ATP8A2: variants seen among roughly 807,000 people sequenced by gnomAD.
ATP8A2 encodes ATPase phospholipid transporting 8A2, also known as phospholipid-transporting ATPase IB.
A neutral mutation model predicts 165.6 loss-of-function variants in ATP8A2; 100 were observed. That is an observed-to-expected ratio of 0.60 (90% CI 0.51 to 0.71). The LOEUF (loss-of-function observed/expected upper bound fraction) is 0.71, where lower values mean the gene tolerates loss of function less well. ATP8A2 is among the 30% of genes least tolerant of loss of function. The probability of loss-of-function intolerance (pLI) is 0.00; values close to 1 mark genes in which losing one functional copy is unlikely to be tolerated. For synonymous variants in ATP8A2, 543 were observed against 548.8 expected (o/e 0.99, Z 0.15); for missense variants, 1,227 against 1,479.5 (o/e 0.83, Z 2.80).
intron 35 of ATP8A2, among the ~76,000 whole-genome samples, chr13:25,977,157 G>GCC (rs55923997): frequency 0.25 from 37,285 of 151,368 alleles, 5,237 homozygotes; most frequent in East Asian, 0.55. Flanking sequence ...TGCTAAAGAA[G>GCC]CCAATTTCCA....
chr13:25,570,896 C>A (rs2039448349), intron 17 of ATP8A2, 24 bp downstream of exon 17: 1 of 1,542,292 alleles, frequency 6.5e-7, no homozygotes, highest in Non-Finnish European at 8.9e-7. Context: ...CCGGATGCGC[C>A]CTGCTGGCCC....
In ATP8A2 at chr13:25,372,126, T is replaced by G; in HGVS notation, c.-87T>G. The G allele has an allele frequency of 1.0e-6, 1 of 953,014 alleles. No individual in the cohort carries two copies. The highest frequency in any genetic ancestry group is 1.4e-6 in the Non-Finnish European group (1 of 729,000). The allele number at this position is 953,014 out of a possible 1,614,324, so 59.0% of individuals were successfully genotyped here. The stretch of plus-strand genomic sequence containing the variant: ...GCCCGGCGAGGCGCTGGCCCACCCA[T>G]GGTCCTCGGGCGGCGGCCCCTGCGC... On this transcript the variant is annotated 5_prime_UTR_variant, in exon 1 of 37. The change abolishes an upstream ATG in the 5' untranslated region. Transcript: ENST00000381655. This position sits in a 1 kb window ranked among gnomAD's most constrained non-coding sequence, Gnocchi z 4.8.
intron 1 of ATP8A2, among the ~76,000 whole-genome samples, chr13:25,387,744 G>A (rs1262795626): frequency 1.3e-5 from 2 of 152,032 alleles, no homozygotes; most frequent in African/African-American, 4.8e-5. Flanking sequence ...TCTTTAATCT[G>A]CAAATGTTTC....
chr13:25,760,192 C>CA (rs2044351910), intron 25 of ATP8A2, among the ~76,000 whole-genome samples: 2 of 152,110 alleles, frequency 1.3e-5, no homozygotes, highest in African/African-American at 4.8e-5. Flanking sequence ...ATCAAGTTGC[C>CA]CTCACCACTA....
chr13:25,525,951 T>C (rs914860690), intron 2 of ATP8A2, among the ~76,000 whole-genome samples: 2 of 152,158 alleles, frequency 1.3e-5, no homozygotes, highest in African/African-American at 4.8e-5. Flanking sequence ...GACTTTGTCT[T>C]TTGAGGTAAT....
chr13:25,812,678 A>G (rs113393333), intron 27 of ATP8A2, among the ~76,000 whole-genome samples: 1 of 151,820 alleles, frequency 6.6e-6, no homozygotes, highest in African/African-American at 2.4e-5. Context: ...CAAGTGATCA[A>G]TAAAATAAAC....
At chr13:25,895,816 T>C (rs1300654254) in intron 33 of ATP8A2, among the ~76,000 whole-genome samples, 1 of 152,246 alleles carries the variant, frequency 6.6e-6, no homozygotes, top group Non-Finnish European at 1.5e-5. Context: ...CTAGTTTATT[T>C]GCATAGAGGT....
intron 2 of ATP8A2, among the ~76,000 whole-genome samples, chr13:25,486,811 C>CA (rs1248374881): frequency 6.6e-6 from 1 of 151,996 alleles, no homozygotes; most frequent in Non-Finnish European, 1.5e-5. Flanking sequence ...ATCAAAAGTA[C>CA]AAAAAATTAG....
At chr13:25,513,681 G>A (rs2037356964) in intron 2 of ATP8A2, among the ~76,000 whole-genome samples, 1 of 152,044 alleles carries the variant, frequency 6.6e-6, no homozygotes, top group Non-Finnish European at 1.5e-5. Context: ...AGCACTGAGT[G>A]AACCAGACTC....
intron 27 of ATP8A2, among the ~76,000 whole-genome samples, chr13:25,817,832 C>T (rs1013744222): frequency 6.6e-6 from 1 of 152,006 alleles, no homozygotes; most frequent in African/African-American, 2.4e-5. Context: ...CATGTGCCAC[C>T]ATGTCCAGCT....
At chr13:25,518,821 A>G (rs2037563844) in intron 2 of ATP8A2, among the ~76,000 whole-genome samples, 1 of 152,164 alleles carries the variant, frequency 6.6e-6, no homozygotes, top group Admixed American at 6.5e-5. Flanking sequence ...GTGCCTAATT[A>G]TGAGTTATGG....
At chr13:25,441,154 C>T (rs1281472825) in intron 1 of ATP8A2, among the ~76,000 whole-genome samples, 2 of 152,064 alleles carry the variant, frequency 1.3e-5, no homozygotes, top group African/African-American at 2.4e-5. Context: ...TTAAATACCA[C>T]GCTTAATTTT....
At chr13:25,616,259 T>C (rs1212748533) in intron 24 of ATP8A2, among the ~76,000 whole-genome samples, 1 of 151,788 alleles carries the variant, frequency 6.6e-6, no homozygotes, top group Non-Finnish European at 1.5e-5. Flanking sequence ...CCTAGATGCA[T>C]AAATACGAAT....
At chr13:25,462,073 A>T (rs1238800968) in intron 1 of ATP8A2, among the ~76,000 whole-genome samples, 1 of 152,224 alleles carries the variant, frequency 6.6e-6, no homozygotes, top group Non-Finnish European at 1.5e-5. Context: ...ATTAAAGGAG[A>T]ATCAGATTCA....
chr13:25,881,128 T>C (rs1044166040), intron 33 of ATP8A2, among the ~76,000 whole-genome samples: 3 of 152,242 alleles, frequency 2.0e-5, no homozygotes, highest in African/African-American at 7.2e-5. Context: ...TTTCTTTTGT[T>C]TGGGGGGCAT....
intron 5 of ATP8A2, among the ~76,000 whole-genome samples, chr13:25,533,016 C>A (rs1315184166): frequency 6.6e-6 from 1 of 151,628 alleles, no homozygotes; most frequent in East Asian, 1.9e-4. Context: ...TTCTTCTGGG[C>A]TGAAAATAAG....
chr13:25,971,611 G>A (rs560994867), intron 35 of ATP8A2, among the ~76,000 whole-genome samples: 1 of 152,156 alleles, frequency 6.6e-6, no homozygotes, highest in South Asian at 2.1e-4. Context: ...CTAGTGAGGT[G>A]GTAGTGAGGA....
chr13:25,642,191 G>T (rs184712069), intron 24 of ATP8A2, among the ~76,000 whole-genome samples: 143 of 152,254 alleles, frequency 9.4e-4, no homozygotes, highest in Non-Finnish European at 1.6e-3. Context: ...ATAGGCATGG[G>T]CAAGGACTTC....
chr13:25,780,151 T>C (rs2044840359), intron 27 of ATP8A2, among the ~76,000 whole-genome samples: 1 of 152,210 alleles, frequency 6.6e-6, no homozygotes, highest in African/African-American at 2.4e-5. Context: ...GAACTTAACC[T>C]ATATTTCGAA....
Sources: allele counts gnomAD v4.1 joint callset (sites outside exome capture counted in the v4.1 genomes callset), GRCh38; gene constraint gnomAD v4.1.1; non-coding constraint Gnocchi (gnomAD v3.1); transcripts MANE v1.5; gene names NCBI Gene and HGNC (gene_info 2026-07-23, HGNC 2026-07-21).